Variants in GRB10 observed in about 807,000 individuals in gnomAD.
The protein encoded by GRB10 is growth factor receptor bound protein 10.
Under a neutral mutation model 80.9 loss-of-function variants are expected in GRB10, and 20 were observed. The observed-to-expected ratio is 0.25, with a 90% CI of 0.17 to 0.36. The LOEUF (loss-of-function observed/expected upper bound fraction) is 0.36. Ranked by LOEUF, GRB10 falls within the 10% of genes least tolerant of loss-of-function variation. The pLI, the probability that GRB10 is intolerant of heterozygous loss-of-function variation, is 1.00. For synonymous variants in GRB10, 291 were observed against 291.5 expected (o/e 1.00, Z 0.02); for missense variants, 548 against 747.7 (o/e 0.73, Z 3.12).
intron 7 of GRB10, among the ~76,000 whole-genome samples, chr7:50,669,239 T>C (rs1358673359): frequency 6.6e-6 from 1 of 152,202 alleles, no homozygotes; most frequent in East Asian, 1.9e-4. Context: ...AGAGGTTTAA[T>C]TGGTTCATGG....
rs557354367 is a variant in GRB10 at position 50,599,662 on chromosome 7, G to A, written c.1545-4132C>T. 6.6e-5 allele frequency among the ~76,000 whole-genome samples: 10 copies of A among 152,338 alleles called. No homozygotes were observed. In the East Asian group the frequency reaches 9.7e-4, roughly 15 times the overall value. ...AAGAATAAGACGGGCGGCACCAGCC[G>A]GGCTGATTTGGGGAACGGAAGGTAA... On this transcript the variant is annotated intron_variant, in intron 17 of 18. Transcript: ENST00000401949.
intron 1 of GRB10, among the ~76,000 whole-genome samples, chr7:50,790,309 T>C (rs1049362684): frequency 1.3e-5 from 2 of 152,230 alleles, no homozygotes; most frequent in Non-Finnish European, 2.9e-5. Context: ...CACCAAGTAG[T>C]TGGACGACCT....
At chr7:50,675,338 G>A (rs1257715982) in intron 5 of GRB10, among the ~76,000 whole-genome samples, 1 of 152,252 alleles carries the variant, frequency 6.6e-6, no homozygotes, top group Non-Finnish European at 1.5e-5. Flanking sequence ...AAGTGAGAGA[G>A]AGAGCGGCGG....
upstream of GRB10, among the ~76,000 whole-genome samples, chr7:50,784,393 A>T (rs772065368): frequency 3.9e-5 from 6 of 152,206 alleles, no homozygotes; most frequent in Non-Finnish European, 8.8e-5. Context: ...CTCTGCAGTC[A>T]ACCCCACAAA....
intron 4 of GRB10, among the ~76,000 whole-genome samples, chr7:50,712,242 A>G (rs555387077): frequency 2.0e-5 from 3 of 152,264 alleles, no homozygotes; most frequent in Non-Finnish European, 4.4e-5. Context: ...TTTCTCACCC[A>G]AAGTGACACT....
chr7:50,617,898 T>A (rs891515295), intron 10 of GRB10, 173 bp downstream of exon 10: 1 of 664,710 alleles, frequency 1.5e-6, no homozygotes, highest in African/African-American at 1.8e-5. Context: ...AGGAAACTTT[T>A]AATTTCTGGT....
At chr7:50,702,650 T>C (rs2064410709) in intron 5 of GRB10, among the ~76,000 whole-genome samples, 1 of 152,158 alleles carries the variant, frequency 6.6e-6, no homozygotes. Context: ...CATCCAAGAC[T>C]CAGTTTCAAC....
intron 5 of GRB10, among the ~76,000 whole-genome samples, chr7:50,688,794 G>A (rs2153656068): frequency 6.6e-6 from 1 of 152,194 alleles, no homozygotes; most frequent in Admixed American, 6.5e-5. Context: ...TGGGTGAGGG[G>A]GGGCAGAGGT....
At chr7:50,681,558 G>A (rs2061543054) in intron 5 of GRB10, among the ~76,000 whole-genome samples, 1 of 152,186 alleles carries the variant, frequency 6.6e-6, no homozygotes, top group Non-Finnish European at 1.5e-5. Flanking sequence ...CTCCCTTGTG[G>A]AAGGAGAGAG....
intron 5 of GRB10, among the ~76,000 whole-genome samples, chr7:50,676,790 G>A (rs765483952): frequency 2.0e-3 from 255 of 130,172 alleles, no homozygotes; most frequent in Non-Finnish European, 8.8e-4. Flanking sequence ...GGTCACCCCC[G>A]GGGGTAGTGC....
At chr7:50,707,825 T>C (rs1469610411) in intron 4 of GRB10, among the ~76,000 whole-genome samples, 1 of 152,196 alleles carries the variant, frequency 6.6e-6, no homozygotes, top group Non-Finnish European at 1.5e-5. Context: ...AACAAGCCCC[T>C]TGCGTGCTTC....
Position 50,731,151 on chromosome 7 carries a change from G to C in GRB10, c.51+1121C>G, listed in dbSNP as rs145159608. On this transcript the variant is annotated intron_variant, in intron 4 of 18. Coordinates refer to ENST00000401949, the MANE Select transcript of GRB10 (RefSeq NM_001350814.2). ...TGTTCCAGAGCTCACAAACTACACA[G>C]ACTCAGGGGTCACCACCAAACTTTG... Among the ~76,000 whole-genome samples the C allele has an allele frequency of 5.7e-4, 87 of 152,268 alleles. 3 individuals are homozygous for C. In the East Asian group the frequency reaches 0.016, roughly 28 times the overall value.
intron 2 of GRB10, among the ~76,000 whole-genome samples, chr7:50,767,201 G>A (rs1042288578): frequency 2.0e-5 from 3 of 152,112 alleles, no homozygotes; most frequent in African/African-American, 4.8e-5. Context: ...CCTGGCTGCC[G>A]GGAAGTCCAA....
At chr7:50,651,595 A>C (rs2058015487) in intron 7 of GRB10, among the ~76,000 whole-genome samples, 1 of 152,182 alleles carries the variant, frequency 6.6e-6, no homozygotes, top group African/African-American at 2.4e-5. Context: ...ACTTCAACTT[A>C]TGTATTCTGA....
At chr7:50,740,944 G>A (rs542098976) in intron 3 of GRB10, among the ~76,000 whole-genome samples, 10 of 152,116 alleles carry the variant, frequency 6.6e-5, no homozygotes, top group African/African-American at 2.4e-4. Flanking sequence ...AAAAGCAATG[G>A]TAGCAATGAT....
intron 4 of GRB10, among the ~76,000 whole-genome samples, chr7:50,721,616 C>A (rs1412135440): frequency 6.6e-6 from 1 of 152,194 alleles, no homozygotes; most frequent in Non-Finnish European, 1.5e-5. Flanking sequence ...CTCTGCCCCT[C>A]GTAGGGCTCT....
intron 7 of GRB10, among the ~76,000 whole-genome samples, chr7:50,635,957 C>CT (rs2054913435): frequency 2.3e-5 from 2 of 87,172 alleles, no homozygotes; most frequent in African/African-American, 4.4e-5. Flanking sequence ...TTTTTTTTTC[C>CT]TTTCCTTTTT....
chr7:50,591,206 A>G lies in GRB10; in HGVS notation c.*1746T>C, dbSNP rs2045810670. 6.6e-6 allele frequency: 1 copy of G among 152,254 alleles called. No homozygotes were observed. Among genetic ancestry groups the G allele is most frequent in the South Asian group, 2.1e-4 (1 of 4,832 alleles). The allele number at this position is 152,254 out of a possible 1,614,324, so 9.4% of individuals were successfully genotyped here. On this transcript the variant is annotated 3_prime_UTR_variant, in exon 19 of 19. Transcript: ENST00000401949. ...CTGATGGTTAAAAACATGTTTTGCT[A>G]GAAAATTCTTCATTTGTATACCTTT...
chr7:50,704,797 A>C (rs1005048695), intron 4 of GRB10, among the ~76,000 whole-genome samples: 1 of 152,240 alleles, frequency 6.6e-6, no homozygotes, highest in African/African-American at 2.4e-5. Context: ...CAACATGCAC[A>C]CACAGCTCCC....
Sources: gnomAD v4.1 joint callset for allele counts (sites outside exome capture counted in the v4.1 genomes callset) on GRCh38, gnomAD v4.1.1 for gene constraint, MANE v1.5 for transcripts, NCBI Gene and HGNC (gene_info 2026-07-23, HGNC 2026-07-21) for gene names.